TEX14: variants seen among roughly 807,000 people sequenced by gnomAD.
TEX14 encodes inactive serine/threonine-protein kinase TEX14.
Under a neutral mutation model 178.6 loss-of-function variants are expected in TEX14, and 168 were observed. That is an observed-to-expected ratio of 0.94 (90% CI 0.83 to 1.07). The LOEUF is 1.07. Ranked by LOEUF, TEX14 falls within the 50% of genes least tolerant of loss-of-function variation. TEX14 has a pLI of 0.00. For synonymous variants in TEX14, 626 were observed against 634.1 expected (o/e 0.99, Z 0.19); for missense variants, 1,730 against 1,753.6 (o/e 0.99, Z 0.24).
chr17:58,561,665 T>C, intron 28 of TEX14, 53 bp from the exon 29 acceptor site: 5 of 1,193,938 alleles, frequency 4.2e-6, no homozygotes, highest in Non-Finnish European at 6.3e-6. Flanking sequence ...CCCATCCCCC[T>C]TGACAAAGAT....
intron 6 of TEX14, among the ~76,000 whole-genome samples, 176 bp from the exon 7 acceptor site, chr17:58,616,481 G>A (rs1393621099): frequency 6.6e-6 from 1 of 151,242 alleles, no homozygotes; most frequent in South Asian, 2.1e-4. Flanking sequence ...ACTCAGGCTG[G>A]AGCATATGAC....
chr17:58,624,092 G>A (rs1208062644), intron 3 of TEX14, among the ~76,000 whole-genome samples: 1 of 152,082 alleles, frequency 6.6e-6, no homozygotes, highest in Admixed American at 6.6e-5. Context: ...GGCCATCCTG[G>A]CTAACGCGGT....
chr17:58,566,636 T>TA (rs2044404855), intron 26 of TEX14, among the ~76,000 whole-genome samples: 1 of 150,424 alleles, frequency 6.6e-6, no homozygotes, highest in South Asian at 2.1e-4. Context: ...CCATCTCTAC[T>TA]AAAAAAATAA....
chr17:58,681,203 G>A (rs2047495265), intron 1 of TEX14, among the ~76,000 whole-genome samples: 1 of 152,128 alleles, frequency 6.6e-6, no homozygotes, highest in Non-Finnish European at 1.5e-5. Context: ...AGGCTGCAGT[G>A]AGCCGAGACT....
rs753440975 is a variant in TEX14 at position 58,564,927 on chromosome 17, CT to C, written c.4005del (p.Glu1336LysfsTer82). 38 of 1,609,894 alleles carry C rather than the reference CT, an allele frequency of 2.4e-5. No individual in the cohort carries two copies. The highest frequency in any genetic ancestry group is 3.4e-5 in the Admixed American group (2 of 59,404). Reference sequence around the variant, plus strand: ...TTGGACAAAAGCATACTACTATCTTCTTTTTTACTGTCAGTTTCTTGTTCTT... The same window carrying C: ...TTGGACAAAAGCATACTACTATCTTCTTTTTACTGTCAGTTTCTTGTTCTT... ...HLEEQETDSKKEDSSMLLSKE... is the reference protein window; with the variant it reads ...HLEEQETDSKXEDSSMLLSKE... On this transcript the variant is annotated frameshift_variant, in exon 28 of 32. Coordinates refer to ENST00000349033, the MANE Select transcript of TEX14 (RefSeq NM_031272.5). LOFTEE classifies it high-confidence loss of function.
intron 19 of TEX14, among the ~76,000 whole-genome samples, chr17:58,584,111 A>G (rs1359652974): frequency 6.6e-6 from 1 of 152,190 alleles, no homozygotes; most frequent in African/African-American, 2.4e-5. Context: ...TGGCCCTTAG[A>G]GGATATTCCA....
In TEX14 at chr17:58,622,932, G is replaced by A; in HGVS notation, c.332C>T (p.Ala111Val). The A allele has an allele frequency of 6.2e-7, 1 of 1,613,014 alleles. No individual in the cohort carries two copies. Among genetic ancestry groups the A allele is most frequent in the South Asian group, 1.1e-5 (1 of 91,062 alleles). ...NQWILSKLLD[A>V]GGDLRLHDER... ...ATCGTGGAGTCGCAGGTCACCTCCT[G>A]CATCCAGCAGTTTGCTAAGGATCCA... The change falls in exon 4 of 32, where the codon GCA becomes GTA. Residue 111 changes from alanine to valine, a missense_variant. Physicochemically the swap from Ala to Val is moderately conservative, Grantham distance 64. Coordinates refer to ENST00000349033, the MANE Select transcript of TEX14 (RefSeq NM_031272.5).
chr17:58,590,168 G>A (rs1332339720), intron 15 of TEX14, among the ~76,000 whole-genome samples: 1 of 150,844 alleles, frequency 6.6e-6, no homozygotes, highest in Non-Finnish European at 1.5e-5. Flanking sequence ...GTCTGAGACA[G>A]GAGAATCGCT....
At chr17:58,604,935 T>A (rs769751138) in intron 11 of TEX14, 43 bp downstream of exon 11, 3 of 1,607,744 alleles carry the variant, frequency 1.9e-6, no homozygotes, top group Non-Finnish European at 2.6e-6. Flanking sequence ...AAATGCAACC[T>A]AAGAATAGGG....
At chr17:58,668,971 G>A (rs1335679335) in intron 1 of TEX14, among the ~76,000 whole-genome samples, 2 of 152,262 alleles carry the variant, frequency 1.3e-5, no homozygotes, top group South Asian at 4.1e-4. Flanking sequence ...GAGAACCACT[G>A]TTCTAGGTAG....
intron 3 of TEX14, among the ~76,000 whole-genome samples, chr17:58,629,788 T>A (rs1270296880): frequency 6.7e-6 from 1 of 149,982 alleles, no homozygotes; most frequent in Admixed American, 6.7e-5. Context: ...TGAGCCGAGA[T>A]CGCACCACTG....
At chr17:58,581,285 T>C (rs1445909662) in intron 19 of TEX14, among the ~76,000 whole-genome samples, 1 of 150,866 alleles carries the variant, frequency 6.6e-6, no homozygotes, top group Non-Finnish European at 1.5e-5. Context: ...CACTCCAGCC[T>C]GGGTGACAGA....
chr17:58,655,852 G>A (rs1204342620), intron 1 of TEX14, among the ~76,000 whole-genome samples: 1 of 152,170 alleles, frequency 6.6e-6, no homozygotes, highest in Non-Finnish European at 1.5e-5. Context: ...GATTCCGGAA[G>A]ATGTCTCTGA....
intron 16 of TEX14, 106 bp from the exon 17 acceptor site, chr17:58,587,772 G>T: frequency 1.7e-6 from 2 of 1,149,950 alleles, no homozygotes; most frequent in Non-Finnish European, 2.6e-6. Flanking sequence ...CCATCCAGAG[G>T]ACCTGTTCCC....
At chr17:58,587,855 C>G (rs779921415) in intron 16 of TEX14, 41 bp downstream of exon 16, 2 of 1,189,432 alleles carry the variant, frequency 1.7e-6, no homozygotes, top group South Asian at 1.2e-5. Context: ...CCACCCCCAC[C>G]CCCGCTCCAC....
intron 25 of TEX14, among the ~76,000 whole-genome samples, chr17:58,570,014 AACT>A (rs1175339932): frequency 3.7e-4 from 57 of 152,296 alleles, no homozygotes; most frequent in African/African-American, 1.3e-3. Flanking sequence ...AATGGACTAT[AACT>A]ACTACATATA....
chr17:58,677,236 T>C (rs9899893), intron 1 of TEX14, among the ~76,000 whole-genome samples: 22,301 of 152,070 alleles, frequency 0.15, 2,527 homozygotes, highest in East Asian at 0.31. Context: ...TGAGCCATGA[T>C]TGAGCACCAC....
intron 1 of TEX14, among the ~76,000 whole-genome samples, chr17:58,667,121 C>T (rs2047227367): frequency 6.6e-6 from 1 of 152,216 alleles, no homozygotes. Context: ...TTTCCTTGAG[C>T]TAACAGACGT....
At position 58,642,514 on chromosome 17, in the gene TEX14, T is replaced by C. The variant is rs566772835; in HGVS notation, c.136+9352A>G. Reference sequence around the variant, plus strand: ...GGTTCAGAGCAGTTCCATATATATATACATTTTATTTTATTTTATTTATTT... The same window carrying C: ...GGTTCAGAGCAGTTCCATATATATACACATTTTATTTTATTTTATTTATTT... On this transcript the variant is annotated intron_variant, in intron 2 of 31. Coordinates refer to ENST00000349033, the MANE Select transcript of TEX14 (RefSeq NM_031272.5). Among the ~76,000 whole-genome samples, 7 of 151,966 alleles carry C rather than the reference T, an allele frequency of 4.6e-5. No individual in the cohort carries two copies. The East Asian group carries it at 1.2e-3, about 25-fold the overall frequency.
Sources: allele counts gnomAD v4.1 joint callset (sites outside exome capture counted in the v4.1 genomes callset), GRCh38; gene constraint gnomAD v4.1.1; transcripts MANE v1.5; gene names NCBI Gene and HGNC (gene_info 2026-07-23, HGNC 2026-07-21).